The following TDP1 variants were observed in gnomAD, a reference collection of about 807,000 sequenced individuals.
TDP1 encodes the protein tyrosyl-DNA phosphodiesterase 1.
Under a neutral mutation model 81.5 loss-of-function variants are expected in TDP1, and 64 were observed. The ratio of observed to expected loss-of-function variants is 0.79; its 90% CI spans 0.64 to 0.97. The LOEUF (loss-of-function observed/expected upper bound fraction) is 0.97, where lower values mean the gene tolerates loss of function less well. Ranked by LOEUF, TDP1 falls within the 50% of genes least tolerant of loss-of-function variation. The pLI is 0.00. For synonymous variants in TDP1, 256 were observed against 264.3 expected (o/e 0.97, Z 0.30); for missense variants, 723 against 743.8 (o/e 0.97, Z 0.33).
At chr14:89,993,265 C>A in intron 13 of TDP1, 111 bp from the exon 14 acceptor site, 3 of 1,255,164 alleles carry the variant, frequency 2.4e-6, no homozygotes, top group African/African-American at 1.5e-5. Context: ...AGTCGTGTAG[C>A]CACTGTTGAT....
intron 3 of TDP1, 120 bp from the exon 4 acceptor site, chr14:89,966,027 T>A: frequency 1.0e-6 from 1 of 978,614 alleles, no homozygotes; most frequent in Non-Finnish European, 1.6e-6. Context: ...AGTAACTGTT[T>A]AGCTTACTGT....
Position 90,041,246 on chromosome 14 carries a change from A to G in TDP1, c.1754-1824A>G, listed in dbSNP as rs537051237. Among the ~76,000 whole-genome samples, 10 of 152,332 alleles carry G rather than the reference A, an allele frequency of 6.6e-5. 1 individual carries two copies. The highest frequency in any genetic ancestry group is 5.8e-4 in the East Asian group (3 of 5,178). On this transcript the variant is annotated intron_variant, in intron 16 of 16. Transcript: ENST00000335725. ...AGAGAGCAAGGGCTTGCTGAGGCCA[A>G]TGAGTGCAATGGGGAGTCAGATCTG...
chr14:89,958,849 A>G (rs1430699529), intron 2 of TDP1, among the ~76,000 whole-genome samples: 1 of 152,270 alleles, frequency 6.6e-6, no homozygotes, highest in Non-Finnish European at 1.5e-5. Context: ...AGACTATCAT[A>G]TACTTAATAT....
At chr14:89,974,095 A>G (rs1236591721) in intron 6 of TDP1, among the ~76,000 whole-genome samples, 1 of 152,164 alleles carries the variant, frequency 6.6e-6, no homozygotes, top group Non-Finnish European at 1.5e-5. Flanking sequence ...TTGGTGGGGG[A>G]CAGAAGTGTT....
intron 14 of TDP1, among the ~76,000 whole-genome samples, chr14:90,007,187 T>C (rs1884129744): frequency 6.6e-6 from 1 of 152,234 alleles, no homozygotes; most frequent in Admixed American, 6.5e-5. Flanking sequence ...CTTTTATAGT[T>C]ATTTCACTGA....
At position 89,988,967 on chromosome 14, in the gene TDP1, T is replaced by G. The variant is rs770320428; in HGVS notation, c.1194T>G (p.Phe398Leu). 2 of 1,614,210 alleles carry G rather than the reference T, an allele frequency of 1.2e-6. No homozygotes were observed. Among genetic ancestry groups the G allele is most frequent in the Non-Finnish European group, 1.7e-6 (2 of 1,180,028 alleles). Reference sequence around the variant, plus strand: ...AGTCCTGGCCTGTCGTAGGTCAGTTTTCAAGCGTTGGCTCCTTGGGAGCCG... The same window carrying G: ...AGTCCTGGCCTGTCGTAGGTCAGTTGTCAAGCGTTGGCTCCTTGGGAGCCG... ...NAESWPVVGQ[F>L]SSVGSLGADE... The change falls in exon 11 of 17, where the codon TTT (phenylalanine) becomes TTG (leucine). Residue 398 changes from phenylalanine (F) to leucine (L), a missense_variant. Coordinates refer to ENST00000335725, the MANE Select transcript of TDP1 (RefSeq NM_018319.4).
chr14:89,983,070 C>A (rs956970591), intron 8 of TDP1: 3 of 454,738 alleles, frequency 6.6e-6, no homozygotes, highest in African/African-American at 4.0e-5. Flanking sequence ...CCTCATATCT[C>A]AGCATCTTAG....
At chr14:89,964,812 A>T in intron 3 of TDP1, 1 of 423,226 alleles carries the variant, frequency 2.4e-6, no homozygotes, top group Non-Finnish European at 4.7e-6. Context: ...TGGTAACATG[A>T]TAGGAGCTCT....
chr14:89,987,352 A>T (rs1895680170), intron 10 of TDP1, among the ~76,000 whole-genome samples: 1 of 152,228 alleles, frequency 6.6e-6, no homozygotes, highest in Non-Finnish European at 1.5e-5. Context: ...ATGTATAAAG[A>T]AAGTGACTTT....
chr14:90,030,998 CCGGACCTCAAG>C (rs1887214515), intron 15 of TDP1, among the ~76,000 whole-genome samples: 1 of 151,842 alleles, frequency 6.6e-6, no homozygotes, highest in African/African-American at 2.4e-5. Context: ...GTCTTGAACT[CCGGACCTCAAG>C]TGATCTGCCT....
chr14:90,004,573 C>T (rs553484632), intron 14 of TDP1, among the ~76,000 whole-genome samples: 1 of 152,168 alleles, frequency 6.6e-6, no homozygotes, highest in South Asian at 2.1e-4. Context: ...GCAGGAAGAG[C>T]TAGGATTTAG....
intron 2 of TDP1, among the ~76,000 whole-genome samples, chr14:89,962,714 A>G (rs1263559116): frequency 6.6e-6 from 1 of 151,290 alleles, no homozygotes. Flanking sequence ...AAAAAAAAGA[A>G]AAAAAAAATT....
chr14:89,978,060 G>C (rs1259105506), intron 7 of TDP1, among the ~76,000 whole-genome samples: 3 of 152,186 alleles, frequency 2.0e-5, no homozygotes, highest in African/African-American at 7.2e-5. Context: ...CAGGATGGGC[G>C]AGGCATGCCT....
chr14:89,962,631 A>G (rs1486035227), intron 2 of TDP1, among the ~76,000 whole-genome samples: 1 of 152,156 alleles, frequency 6.6e-6, no homozygotes, highest in Non-Finnish European at 1.5e-5. Context: ...TGGAAGGCCA[A>G]GGTGGGTGGA....
intron 15 of TDP1, among the ~76,000 whole-genome samples, chr14:90,028,043 C>T (rs887848878): frequency 2.0e-5 from 3 of 152,194 alleles, no homozygotes; most frequent in Non-Finnish European, 4.4e-5. Context: ...ACTGCATTCC[C>T]CCAGCCCCAC....
chr14:89,998,527 T>C, intron 14 of TDP1, among the ~76,000 whole-genome samples: 1 of 150,640 alleles, frequency 6.6e-6, no homozygotes, highest in Admixed American at 6.6e-5. Context: ...CCTTTTCAGA[T>C]GGAAGAACTG....
chr14:89,966,481 G>T (rs1892963175), intron 4 of TDP1, among the ~76,000 whole-genome samples: 1 of 152,156 alleles, frequency 6.6e-6, no homozygotes, highest in African/African-American at 2.4e-5. Context: ...CTTCTTTTGG[G>T]GATACTGATT....
At chr14:89,991,343 A>G (rs927399429) in intron 12 of TDP1, among the ~76,000 whole-genome samples, 1 of 152,220 alleles carries the variant, frequency 6.6e-6, no homozygotes, top group Admixed American at 6.5e-5. Context: ...AAGCTGTTTT[A>G]TAACTGGCTT....
intron 14 of TDP1, among the ~76,000 whole-genome samples, chr14:90,013,129 C>T (rs1405178503): frequency 6.6e-6 from 1 of 152,176 alleles, no homozygotes; most frequent in Non-Finnish European, 1.5e-5. Context: ...GCAGAAGGGA[C>T]GTACTGTGTC....
Sources: gnomAD v4.1 joint callset for allele counts (sites outside exome capture counted in the v4.1 genomes callset) on GRCh38, gnomAD v4.1.1 for gene constraint, MANE v1.5 for transcripts, NCBI Gene and HGNC (gene_info 2026-07-23, HGNC 2026-07-21) for gene names.